Variants in ZC3H13 observed in about 807,000 individuals in gnomAD.
ZC3H13 encodes zinc finger CCCH domain-containing protein 13.
A neutral mutation model predicts 204.1 loss-of-function variants in ZC3H13; 64 were observed. The observed-to-expected ratio is 0.31, with a 90% confidence interval of 0.26 to 0.39. ZC3H13 has a LOEUF of 0.39. Ranked by LOEUF, ZC3H13 falls within the 10% of genes least tolerant of loss-of-function variation. The pLI is 1.00. For missense variants in ZC3H13, 1,833 were observed against 2,082.7 expected, an observed-to-expected ratio of 0.88 and a Z score of 2.33; for synonymous variants, 667 against 693.7, an observed-to-expected ratio of 0.96 and a Z score of 0.60.
intron 1 of ZC3H13, among the ~76,000 whole-genome samples, chr13:46,046,454 C>G (rs1467533346): frequency 7.0e-6 from 1 of 143,328 alleles, no homozygotes; most frequent in Non-Finnish European, 1.5e-5. Context: ...GTCAGGAGAT[C>G]GAGACCATCC....
At chr13:46,002,911 G>T (rs200221859) in intron 8 of ZC3H13, among the ~76,000 whole-genome samples, 11 of 118,822 alleles carry the variant, frequency 9.3e-5, no homozygotes, top group African/African-American at 3.6e-4. Flanking sequence ...GGTACATTTT[G>T]TTTTTTTACC....
rs143951969 is a variant in ZC3H13, at chr13:45,988,107, C to G, written c.1255+680G>C. On this transcript the variant is annotated intron_variant, in intron 9 of 18. Coordinates refer to ENST00000679008, the MANE Select transcript of ZC3H13 (RefSeq NM_001330564.2). ...AAACACTTCTGATGCTTTCAAACTA[C>G]GCTCTCTGATTTGTTGCTTTTCTTC... 3.9e-5 allele frequency among the ~76,000 whole-genome samples: 6 copies of G among 152,268 alleles called. No homozygotes were observed. The East Asian group carries it at 1.2e-3, about 29-fold the overall frequency.
At chr13:46,034,022 A>T (rs978536938) in intron 4 of ZC3H13, among the ~76,000 whole-genome samples, 2 of 152,202 alleles carry the variant, frequency 1.3e-5, no homozygotes, top group Non-Finnish European at 2.9e-5. Context: ...TAGCCAATAA[A>T]AGATATACAT....
At chr13:46,006,319 AGATT>A (rs1433628420) in intron 7 of ZC3H13, among the ~76,000 whole-genome samples, 1 of 151,994 alleles carries the variant, frequency 6.6e-6, no homozygotes, top group Non-Finnish European at 1.5e-5. Flanking sequence ...ATGCTCAGGG[AGATT>A]GATTAATAAA....
At chr13:45,959,300 T>C (rs1200201300) in intron 18 of ZC3H13, among the ~76,000 whole-genome samples, 183 bp downstream of exon 18, 2 of 152,216 alleles carry the variant, frequency 1.3e-5, no homozygotes, top group African/African-American at 2.4e-5. Context: ...AATTCATTAA[T>C]ACTGTTGAAG....
chr13:46,048,106 A>T (rs187597832), intron 1 of ZC3H13, among the ~76,000 whole-genome samples: 1 of 152,318 alleles, frequency 6.6e-6, no homozygotes, highest in Admixed American at 6.5e-5. Flanking sequence ...TATTATACTT[A>T]AAACATTGGT....
At chr13:46,047,383 T>A (rs1006904305) in intron 1 of ZC3H13, among the ~76,000 whole-genome samples, 1 of 152,188 alleles carries the variant, frequency 6.6e-6, no homozygotes, top group African/African-American at 2.4e-5. Flanking sequence ...TAAGAACCAG[T>A]GGAGAGCATC....
Position 46,045,399 on chromosome 13 carries a change from T to C in ZC3H13, c.109A>G (p.Thr37Ala). 3 of 1,613,770 alleles carry C rather than the reference T, an allele frequency of 1.9e-6. No individual in the cohort carries two copies. Reference sequence around the variant, plus strand: ...TACTAGTGACAACTCACCTCTGCTGTACTGCCAGTGCTGGGTCCAAGCCTC... The same window carrying C: ...TACTAGTGACAACTCACCTCTGCTGCACTGCCAGTGCTGGGTCCAAGCCTC... ...FERLGPSTGSTAETQCRNWLK... is the reference protein window; with the variant it reads ...FERLGPSTGSAAETQCRNWLK... The change falls in exon 2 of 19, where the codon ACA becomes GCA. Residue 37 changes from threonine (T) to alanine (A), a missense_variant. Physicochemically the swap from Thr to Ala is moderately conservative, Grantham distance 58 (BLOSUM62 0). Coordinates refer to ENST00000679008, the MANE Select transcript of ZC3H13 (RefSeq NM_001330564.2).
At chr13:46,007,703 C>T (rs1344762373) in intron 7 of ZC3H13, among the ~76,000 whole-genome samples, 1 of 152,194 alleles carries the variant, frequency 6.6e-6, no homozygotes, top group Non-Finnish European at 1.5e-5. Flanking sequence ...TCTGAAATCA[C>T]CAAGATCTTC....
At chr13:46,022,270 CTTAAA>C (rs1403713658) in intron 4 of ZC3H13, among the ~76,000 whole-genome samples, 1 of 151,762 alleles carries the variant, frequency 6.6e-6, no homozygotes, top group East Asian at 1.9e-4. Flanking sequence ...TGAATGCAGG[CTTAAA>C]TAGGTGATGG....
Position 45,969,868 on chromosome 13 carries a change from C to T in ZC3H13, c.2676G>A (p.Glu892=), listed in dbSNP as rs140597852. 6.4e-5 allele frequency: 103 copies of T among 1,613,806 alleles called. No homozygotes were observed. The African/African-American group carries it at 1.2e-3, about 19-fold the overall frequency. The change falls in exon 14 of 19, where the codon GAG becomes GAA. Residue 892 remains glutamate, a synonymous_variant. Coordinates refer to ENST00000679008, the MANE Select transcript of ZC3H13 (RefSeq NM_001330564.2). ...TEDRQGRWKE[E]DRKPERKESS... ...TCTCTTTCCTTTCTGGTTTACGATC[C>T]TCCTCTTTCCATCTACCCTGTCTGT...
At chr13:45,989,218 T>G (rs938440621) in intron 8 of ZC3H13, 121 bp from the exon 9 acceptor site, 4 of 1,026,058 alleles carry the variant, frequency 3.9e-6, no homozygotes, top group Non-Finnish European at 5.6e-6. Context: ...AGAATAAATT[T>G]TAATTCACAA....
At chr13:45,981,535 T>A (rs1275559493) in intron 10 of ZC3H13, among the ~76,000 whole-genome samples, 1 of 152,032 alleles carries the variant, frequency 6.6e-6, no homozygotes, top group Non-Finnish European at 1.5e-5. Context: ...GTATTTCTAG[T>A]TCTAGATCCC....
intron 7 of ZC3H13, among the ~76,000 whole-genome samples, chr13:46,006,116 A>G (rs1157438873): frequency 5.3e-5 from 8 of 149,540 alleles, no homozygotes; most frequent in Non-Finnish European, 1.2e-4. Flanking sequence ...TCAACCTGGC[A>G]CCAACCAGAT....
At chr13:46,009,247 A>AG (rs751709807) in intron 7 of ZC3H13, among the ~76,000 whole-genome samples, 17 of 152,154 alleles carry the variant, frequency 1.1e-4, no homozygotes, top group Non-Finnish European at 1.9e-4. Context: ...AAAAGACCAA[A>AG]GTGTAAATGT....
chr13:45,992,219 T>C (rs186167331), intron 8 of ZC3H13, among the ~76,000 whole-genome samples: 590 of 152,316 alleles, frequency 3.9e-3, no homozygotes, highest in Non-Finnish European at 5.7e-3. Flanking sequence ...TTATTTTACA[T>C]ATGAAGTTTA....
At position 45,975,739 on chromosome 13, in the gene ZC3H13, C is replaced by G. The variant is rs1952987112; in HGVS notation, c.2012G>C (p.Arg671Thr). The G allele has an allele frequency of 1.2e-6, 2 of 1,613,882 alleles. No individual in the cohort carries two copies. Among genetic ancestry groups the G allele is most frequent in the Non-Finnish European group, 1.7e-6 (2 of 1,179,904 alleles). Residue 671 changes from arginine to threonine, a missense_variant, in exon 12 of 19, where the codon AGG becomes ACG. By Grantham distance (71) the Arg-to-Thr change is moderately conservative. This residue lies in a region of ZC3H13 where 1,574 missense variants were observed against 1,757.2 expected (regional missense o/e 0.90). Transcript: ENST00000679008. ...TCTCTCTCTAGCCCTTTCATCTCTC[C>G]TATCATCCACTCTGTCTACTCTTCG... ...EERRVDRVDD[R>T]RDERARERDR...
In ZC3H13 at chr13:45,985,515, G is replaced by C; in HGVS notation, c.1502C>G (p.Thr501Ser). Reference sequence around the variant, plus strand: ...GTCCCTGTAGTCATGGGCATCACGAGTGGACCGAGAATCTCTGGGATCACG... The same window carrying C: ...GTCCCTGTAGTCATGGGCATCACGACTGGACCGAGAATCTCTGGGATCACG... ...ESRDPRDSRS[T>S]RDAHDYRDRE... is the part of the protein sequence containing the mutation. Residue 501 changes from threonine (T) to serine (S), a missense_variant, in exon 10 of 19, where the codon ACT (threonine) becomes AGT (serine). This residue lies in a region of ZC3H13 where 1,574 missense variants were observed against 1,757.2 expected (regional missense o/e 0.90). Coordinates refer to ENST00000679008, the MANE Select transcript of ZC3H13 (RefSeq NM_001330564.2). The C allele has an allele frequency of 6.2e-7, 1 of 1,614,208 alleles. No homozygotes were observed. The highest frequency in any genetic ancestry group is 8.5e-7 in the Non-Finnish European group (1 of 1,180,044).
At chr13:45,961,457 G>C (rs1414361761) in intron 17 of ZC3H13, among the ~76,000 whole-genome samples, 1 of 150,870 alleles carries the variant, frequency 6.6e-6, no homozygotes, top group African/African-American at 2.4e-5. Flanking sequence ...TCAAGAAACA[G>C]ACTAAATGCA....
Sources: gnomAD v4.1 joint callset for allele counts (sites outside exome capture counted in the v4.1 genomes callset) on GRCh38, gnomAD v4.1.1 for gene constraint, gnomAD v4.1.1 regional missense constraint, MANE v1.5 for transcripts, NCBI Gene and HGNC (gene_info 2026-07-23, HGNC 2026-07-21) for gene names.